Variants in PIEZO1 observed in about 807,000 individuals in gnomAD.
PIEZO1 encodes piezo-type mechanosensitive ion channel component 1.
In PIEZO1, 296 loss-of-function variants were observed where a neutral mutation model predicts 297.2. That is an observed-to-expected ratio of 1.00 (90% confidence interval 0.91 to 1.10). PIEZO1 has a LOEUF of 1.10. Among genes scored for constraint, PIEZO1 ranks in the 50% least tolerant of loss-of-function variants. The pLI, the probability that PIEZO1 is intolerant of heterozygous loss-of-function variation, is 0.00. For synonymous variants in PIEZO1, 2,427 were observed against 1,507.5 expected (o/e 1.61, Z -14.13); for missense variants, 5,018 against 3,455.5 (o/e 1.45, Z -11.34).
intron 32 of PIEZO1, 37 bp downstream of exon 32, chr16:88,723,189 C>T (rs748382691): frequency 5.9e-5 from 91 of 1,549,110 alleles, no homozygotes; most frequent in Middle Eastern, 1.7e-4. Context: ...GGCAGTCCCG[C>T]GGCTTCCCCT....
rs1339839469 is a variant in PIEZO1, at chr16:88,720,187, C to T, written c.6046G>A (p.Val2016Met). The change falls in exon 42 of 51, where the codon GTG becomes ATG. Residue 2016 changes from valine (V) to methionine (M), a missense_variant. Transcript: ENST00000301015. ...CGCAGGTAGAGGGCGCGGTCAACCA[C>T]CATGGTACTGAACTGGATCAGCAGC... Reference protein sequence around the residue: ...VMLLIQFSTMVVDRALYLRKT... With the variant: ...VMLLIQFSTMMVDRALYLRKT... 3.2e-6 allele frequency: 5 copies of T among 1,550,424 alleles called. No homozygotes were observed. In the African/African-American group the frequency reaches 4.1e-5, roughly 13 times the overall value.
intron 1 of PIEZO1, among the ~76,000 whole-genome samples, chr16:88,762,842 A>G (rs1002171406): frequency 6.6e-6 from 1 of 152,140 alleles, no homozygotes; most frequent in Non-Finnish European, 1.5e-5. Context: ...GGACAGCCAC[A>G]AGGTGGTCCC....
chr16:88,719,267 G>C (rs1912257784), intron 44 of PIEZO1: 1 of 344,094 alleles, frequency 2.9e-6, no homozygotes, highest in South Asian at 3.7e-5. Context: ...CTCTGAGAAA[G>C]GCCATTAAAC....
At position 88,738,150 on chromosome 16, in the gene PIEZO1, G is replaced by A. The variant is rs559809797; in HGVS notation, c.849-45C>T. On this transcript the variant is annotated intron_variant, in intron 7 of 50. Transcript: ENST00000301015. Reference sequence around the variant, plus strand: ...CACAGCCTACCACCCCAGAGGCAGTGGGGCCACAGGGGCTAGACGAGCCAG... The same window carrying A: ...CACAGCCTACCACCCCAGAGGCAGTAGGGCCACAGGGGCTAGACGAGCCAG... The A allele has an allele frequency of 2.3e-4, 358 of 1,534,060 alleles. 2 individuals carry two copies. In the South Asian group the frequency reaches 4.0e-3, roughly 17 times the overall value.
Position 88,732,457 on chromosome 16 carries a change from G to A in PIEZO1, c.2869C>T (p.Gln957Ter). Residue 957 changes from glutamine (Q) to a stop codon, truncating the protein, a stop_gained, in exon 21 of 51, where the codon CAG (glutamine) becomes TAG (stop). Transcript: ENST00000301015. LOFTEE classifies it high-confidence loss of function. Reference protein sequence around the residue: ...RRQEHYRRQHQLAPLPAQAVF... With the variant: ...RRQEHYRRQH The stretch of plus-strand genomic sequence containing the variant: ...GCCTGGGCAGGCAGCGGGGCCAGCT[G>A]GTGCTGCCGGCGGTAGTGCTCCTGG... 6.5e-7 allele frequency: 1 copy of A among 1,549,520 alleles called. No homozygotes were observed. The highest frequency in any genetic ancestry group is 8.7e-7 in the Non-Finnish European group (1 of 1,146,410).
chr16:88,748,246 G>C (rs1906165811), intron 2 of PIEZO1, among the ~76,000 whole-genome samples: 1 of 21,840 alleles, frequency 4.6e-5, no homozygotes, highest in African/African-American at 1.8e-4. Context: ...ATGGCCTTTG[G>C]GGACAGGTCT....
intron 2 of PIEZO1, among the ~76,000 whole-genome samples, chr16:88,748,279 G>A (rs1404782939): frequency 2.0e-5 from 3 of 152,300 alleles, no homozygotes; most frequent in African/African-American, 7.2e-5. Flanking sequence ...TCCAAAACGC[G>A]CTCTCCTAAA....
rs1286900788 is a variant in PIEZO1, at chr16:88,715,750, A to G, written c.7421T>C (p.Val2474Ala). The change falls in exon 51 of 51, where the codon GTG becomes GCG. Residue 2474 changes from valine to alanine, a missense_variant. Coordinates refer to ENST00000301015, the MANE Select transcript of PIEZO1 (RefSeq NM_001142864.4). The part of the protein sequence containing the change: ...HSIMFEELPC[V>A]DRILKLCQDI... ...CTGGCAGAGCTTGAGGATGCGGTCC[A>G]CGCACGGCAGCTCCTCGAACATAAT... is the stretch of plus-strand genomic sequence containing the variant. The G allele has an allele frequency of 6.5e-7, 1 of 1,550,334 alleles. No homozygotes were observed. Among genetic ancestry groups the G allele is most frequent in the Non-Finnish European group, 8.7e-7 (1 of 1,146,978 alleles).
Position 88,730,413 on chromosome 16 carries a change from G to T in PIEZO1, c.3196+1293C>A, listed in dbSNP as rs551630051. On this transcript the variant is annotated intron_variant, in intron 22 of 50. Coordinates refer to ENST00000301015, the MANE Select transcript of PIEZO1 (RefSeq NM_001142864.4). ...AGGAGTTCAAGACCAGCCTGGCCAA[G>T]ATGGTGAAACCCCGTCTCTACTAAA... Among the ~76,000 whole-genome samples the T allele has an allele frequency of 9.2e-5, 14 of 152,126 alleles. No homozygotes were observed. In the East Asian group the frequency reaches 2.7e-3, roughly 29 times the overall value.
chr16:88,731,959 A>AGGGTGGGGTGTGG (rs1555555063), intron 21 of PIEZO1, 49 bp from the exon 22 acceptor site: 1 of 63,334 alleles, frequency 1.6e-5, no homozygotes, highest in Non-Finnish European at 2.9e-5. Context: ...GTCTGGGGGG[A>AGGGTGGGGTGTGG]GGGACTTTCT....
chr16:88,740,524 A>C (rs932707920), intron 5 of PIEZO1: 3 of 152,304 alleles, frequency 2.0e-5, no homozygotes, highest in Admixed American at 1.3e-4. Context: ...AAATGCCCGG[A>C]AAAGCCACTT....
chr16:88,715,382 AAAAAC>A lies in PIEZO1; in HGVS notation c.*218_*222del. The A allele has an allele frequency of 8.7e-7, 1 of 1,151,496 alleles. No homozygotes were observed. Among genetic ancestry groups the A allele is most frequent in the Non-Finnish European group, 1.2e-6 (1 of 831,352 alleles). 71.3% of individuals were successfully genotyped at this position (1,151,496 alleles called of 1,614,324 possible). ...AAATAAAACATTTTTTAATTAAAAAAAAAACTCTACAGTACACGTGGGGGACGGCA... is the reference window on the plus strand; with the variant it reads ...AAATAAAACATTTTTTAATTAAAAAATCTACAGTACACGTGGGGGACGGCA... On this transcript the variant is annotated 3_prime_UTR_variant, in exon 51 of 51. Coordinates refer to ENST00000301015, the MANE Select transcript of PIEZO1 (RefSeq NM_001142864.4).
rs760033609 is a variant in PIEZO1, at chr16:88,723,936, C to G, written c.4270G>C (p.Asp1424His). 2.1e-5 allele frequency: 32 copies of G among 1,549,554 alleles called. No individual in the cohort carries two copies. The highest frequency in any genetic ancestry group is 2.7e-5 in the Non-Finnish European group (31 of 1,146,216). ...HSGDYFLFES[D>H]SEEEEEAVPE... ...ACAGCCTCCTCCTCTTCCTCACTGT[C>G]GGACTCAAACAGGAAGTAGTCCCCG... is the stretch of plus-strand genomic sequence containing the variant. Residue 1424 changes from aspartate to histidine, a missense_variant, in exon 31 of 51, where the codon GAC becomes CAC. Asp to His is a moderately conservative substitution (Grantham distance 81). Transcript: ENST00000301015.
In PIEZO1 at chr16:88,734,884, G is replaced by A. The variant is rs1223082415; in HGVS notation, c.1839C>T (p.Thr613=). ...VYMFLFLLCL[T]LFQVYYSLWR... is the part of the protein sequence containing the mutation. ...CCGGCCCCCCAGCCACCTGGAAGAGGGTGAGGCAGAGCAGGAAGAGGAACA... is the reference window on the plus strand; with the variant it reads ...CCGGCCCCCCAGCCACCTGGAAGAGAGTGAGGCAGAGCAGGAAGAGGAACA... Residue 613 remains threonine (T), a synonymous_variant, in exon 14 of 51, where the codon ACC becomes ACT. Transcript: ENST00000301015. 25 of 1,550,242 alleles carry A rather than the reference G, an allele frequency of 1.6e-5. No homozygotes were observed. Among genetic ancestry groups the A allele is most frequent in the Middle Eastern group, 3.3e-4 (2 of 6,014 alleles).
At position 88,738,497 on chromosome 16, in the gene PIEZO1, T is replaced by C; in HGVS notation, c.635-57A>G. On this transcript the variant is annotated intron_variant, in intron 6 of 50. Coordinates refer to ENST00000301015, the MANE Select transcript of PIEZO1 (RefSeq NM_001142864.4). Reference sequence around the variant, plus strand: ...GGCCAGTGCCATGTGTCCCGCTGTCTCCACAGTCATCAGGGAACTCCCAAG... The same window carrying C: ...GGCCAGTGCCATGTGTCCCGCTGTCCCCACAGTCATCAGGGAACTCCCAAG... 3.3e-6 allele frequency: 5 copies of C among 1,496,462 alleles called. No homozygotes were observed. The South Asian group carries it at 4.8e-5, about 14-fold the overall frequency. 92.7% of individuals were successfully genotyped at this position (1,496,462 alleles called of 1,614,324 possible).
At chr16:88,742,483 C>T (rs1187299811) in intron 2 of PIEZO1, 61 bp from the exon 3 acceptor site, 20 of 1,508,338 alleles carry the variant, frequency 1.3e-5, no homozygotes, top group African/African-American at 2.8e-5. Context: ...CAGCCCAGGC[C>T]GCTCAGCCGG....
At chr16:88,728,099 C>T (rs562792664) in intron 22 of PIEZO1, among the ~76,000 whole-genome samples, 2 of 152,384 alleles carry the variant, frequency 1.3e-5, no homozygotes, top group East Asian at 1.9e-4. Flanking sequence ...CATGCGACAG[C>T]CTAGACAGAC....
rs1294776295 is a variant in PIEZO1, at chr16:88,732,845, G to A, written c.2665-113C>T. The A allele has an allele frequency of 4.5e-6, 5 of 1,111,978 alleles. No homozygotes were observed. In the South Asian group the frequency reaches 6.6e-5, roughly 15 times the overall value. 68.9% of individuals were successfully genotyped at this position (1,111,978 alleles called of 1,614,324 possible). A position where few individuals can be genotyped will look rare whatever the true frequency, so the allele number is the denominator to read the frequency against. On this transcript the variant is annotated intron_variant, in intron 19 of 50. Transcript: ENST00000301015. Reference sequence around the variant, plus strand: ...GCAGGTCCACTGCTCCCCAGCCAGGGACACGGGGGCTGCCAGCCTTGGAGC... The same window carrying A: ...GCAGGTCCACTGCTCCCCAGCCAGGAACACGGGGGCTGCCAGCCTTGGAGC...
At chr16:88,748,975 C>G (rs992231702) in intron 2 of PIEZO1, among the ~76,000 whole-genome samples, 3 of 144,286 alleles carry the variant, frequency 2.1e-5, no homozygotes, top group East Asian at 2.0e-4. Flanking sequence ...CGGTGGCTCA[C>G]GTCTGTAATC....
Sources: gnomAD v4.1 joint callset for allele counts (sites outside exome capture counted in the v4.1 genomes callset) on GRCh38, gnomAD v4.1.1 for gene constraint, MANE v1.5 for transcripts, NCBI Gene and HGNC (gene_info 2026-07-23, HGNC 2026-07-21) for gene names.